DACH1: variants seen among roughly 807,000 people sequenced by gnomAD.
The protein encoded by DACH1 is dachshund homolog 1.
In DACH1, 12 loss-of-function variants were observed where a neutral mutation model predicts 54.2. That is an observed-to-expected ratio of 0.22 (90% CI 0.14 to 0.36). The LOEUF (loss-of-function observed/expected upper bound fraction) is 0.36, where lower values mean the gene tolerates loss of function less well. Ranked by LOEUF, DACH1 falls within the 10% of genes least tolerant of loss-of-function variation. DACH1 has a pLI of 1.00. For missense variants in DACH1, 805 were observed against 929.8 expected (o/e 0.87, Z 1.75); for synonymous variants, 386 against 366.2 (o/e 1.05, Z -0.62).
At chr13:71,787,110 G>A (rs1886623834) in intron 1 of DACH1, among the ~76,000 whole-genome samples, 1 of 152,156 alleles carries the variant, frequency 6.6e-6, no homozygotes, top group Admixed American at 6.6e-5. Flanking sequence ...TTGTTGGTGA[G>A]ATGCTAGCAT....
intron 1 of DACH1, among the ~76,000 whole-genome samples, chr13:71,861,643 G>T (rs1874361383): frequency 6.6e-6 from 1 of 151,866 alleles, no homozygotes; most frequent in African/African-American, 2.4e-5. Context: ...TTTTTGAAAT[G>T]ATATAAAATG....
chr13:71,551,301 T>G (rs568286398), intron 6 of DACH1, among the ~76,000 whole-genome samples: 1 of 152,288 alleles, frequency 6.6e-6, no homozygotes, highest in Non-Finnish European at 1.5e-5. Context: ...TTGTCTTTTC[T>G]TTATGCTAGA....
At chr13:71,574,521 G>A (rs769961057) in intron 3 of DACH1, among the ~76,000 whole-genome samples, 11 of 152,004 alleles carry the variant, frequency 7.2e-5, no homozygotes, top group East Asian at 1.9e-4. Flanking sequence ...AAATCTCTAC[G>A]ACATAGTTTT....
chr13:71,593,616 T>C (rs941286591), intron 3 of DACH1, among the ~76,000 whole-genome samples: 27 of 152,102 alleles, frequency 1.8e-4, no homozygotes, highest in Non-Finnish European at 3.1e-4. Flanking sequence ...TGTTATCCAT[T>C]TTAAAATTCA....
Position 71,440,533 on chromosome 13 carries a change from AT to A in DACH1, c.*121del. Reference sequence around the variant, plus strand: ...TAGAATACTTAAACTTTTAAAGAACATTAATACACAAAATTCAGGAAGTTCC... The same window carrying A: ...TAGAATACTTAAACTTTTAAAGAACATAATACACAAAATTCAGGAAGTTCC... On this transcript the variant is annotated 3_prime_UTR_variant, in exon 11 of 11. Transcript: ENST00000613252. 4 of 761,470 alleles carry A rather than the reference AT, an allele frequency of 5.3e-6. No homozygotes were observed. The Admixed American group carries it at 1.2e-4, about 22-fold the overall frequency. The allele number at this position is 761,470 out of a possible 1,614,324, so 47.2% of individuals were successfully genotyped here.
At chr13:71,707,368 G>A (rs533678934) in intron 1 of DACH1, among the ~76,000 whole-genome samples, 26 of 152,246 alleles carry the variant, frequency 1.7e-4, no homozygotes, top group Non-Finnish European at 2.9e-4. Flanking sequence ...TTAAAATAAG[G>A]GACCCTACAT....
intron 3 of DACH1, among the ~76,000 whole-genome samples, chr13:71,579,448 C>T (rs1379094858): frequency 5.3e-5 from 8 of 151,968 alleles, no homozygotes; most frequent in Admixed American, 3.3e-4. Context: ...GGAAACAAAC[C>T]GTAAAATCAG....
chr13:71,692,279 A>G (rs1189635371), intron 1 of DACH1, among the ~76,000 whole-genome samples: 2 of 152,060 alleles, frequency 1.3e-5, no homozygotes, highest in East Asian at 3.9e-4. Context: ...TCATTTCCCC[A>G]TCCTTAGCAT....
intron 1 of DACH1, among the ~76,000 whole-genome samples, chr13:71,727,993 A>T (rs1305283123): frequency 6.6e-6 from 1 of 152,078 alleles, no homozygotes; most frequent in African/African-American, 2.4e-5. Context: ...TTCCAACAGG[A>T]ATGTGATCAG....
At chr13:71,464,733 G>A (rs138740949) in intron 10 of DACH1, 2 of 454,192 alleles carry the variant, frequency 4.4e-6, no homozygotes, top group South Asian at 3.1e-5. Context: ...TAATCTTGCA[G>A]CTAAGAACTT....
At chr13:71,624,413 A>G (rs1876486846) in intron 3 of DACH1, among the ~76,000 whole-genome samples, 2 of 151,914 alleles carry the variant, frequency 1.3e-5, no homozygotes, top group Admixed American at 1.3e-4. Flanking sequence ...CTACTTATAT[A>G]TTAATTGACA....
At chr13:71,573,139 T>C in intron 3 of DACH1, 127 bp from the exon 4 acceptor site, 1 of 911,776 alleles carries the variant, frequency 1.1e-6, no homozygotes, top group Non-Finnish European at 1.6e-6. Context: ...ATGCAAAAAT[T>C]TCACTTACTA....
At chr13:71,761,326 T>C (rs1028803619) in intron 1 of DACH1, among the ~76,000 whole-genome samples, 4 of 152,194 alleles carry the variant, frequency 2.6e-5, no homozygotes, top group African/African-American at 7.2e-5. Flanking sequence ...ATGTGTATAA[T>C]AGCACCATTT....
chr13:71,838,840 C>G (rs1017975400), intron 1 of DACH1, among the ~76,000 whole-genome samples: 2 of 152,222 alleles, frequency 1.3e-5, no homozygotes, highest in African/African-American at 4.8e-5. Context: ...CGGCTGCATT[C>G]CGTGGAGCCT....
chr13:71,686,446 T>C (rs575977460), intron 1 of DACH1, among the ~76,000 whole-genome samples: 3 of 152,150 alleles, frequency 2.0e-5, no homozygotes, highest in Non-Finnish European at 4.4e-5. Context: ...ATCAATCTCA[T>C]GCTAATTTCA....
chr13:71,453,683 T>C (rs1190134251), intron 10 of DACH1, among the ~76,000 whole-genome samples: 1 of 152,114 alleles, frequency 6.6e-6, no homozygotes, highest in African/African-American at 2.4e-5. Context: ...ATTATACTTG[T>C]TTAGGGAGGT....
intron 1 of DACH1, among the ~76,000 whole-genome samples, chr13:71,816,183 G>A (rs543936083): frequency 6.6e-6 from 1 of 152,238 alleles, no homozygotes; most frequent in African/African-American, 2.4e-5. Flanking sequence ...CAATCAAAGA[G>A]GAAAATATAA....
chr13:71,628,172 C>T (rs1437694568), intron 3 of DACH1, among the ~76,000 whole-genome samples: 12 of 151,930 alleles, frequency 7.9e-5, no homozygotes, highest in Non-Finnish European at 1.2e-4. Flanking sequence ...GTCCTCAGAA[C>T]CAGAGAAGAT....
chr13:71,826,756 T>G (rs1000322181), intron 1 of DACH1, among the ~76,000 whole-genome samples: 1 of 152,126 alleles, frequency 6.6e-6, no homozygotes, highest in African/African-American at 2.4e-5. Flanking sequence ...CCGAAGTAGA[T>G]CCTTGAGGAC....
Sources: allele counts gnomAD v4.1 joint callset (sites outside exome capture counted in the v4.1 genomes callset), GRCh38; gene constraint gnomAD v4.1.1; transcripts MANE v1.5; gene names NCBI Gene and HGNC (gene_info 2026-07-23, HGNC 2026-07-21).